Variants in FBXW11 observed in about 807,000 individuals in gnomAD.
FBXW11 encodes F-box and WD repeat domain containing 11, also known as F-box/WD repeat-containing protein 11.
FBXW11 carries 19 observed loss-of-function variants against 77.6 expected under a neutral mutation model. That is an observed-to-expected ratio of 0.24 (90% CI 0.17 to 0.36). The LOEUF is 0.36. Among genes scored for constraint, FBXW11 ranks in the 10% least tolerant of loss-of-function variants. The probability of loss-of-function intolerance (pLI) is 1.00; values close to 1 mark genes in which losing one functional copy is unlikely to be tolerated. For missense variants in FBXW11, 334 were observed against 704.2 expected, an observed-to-expected ratio of 0.47 and a Z score of 5.95; for synonymous variants, 235 against 249.4, an observed-to-expected ratio of 0.94 and a Z score of 0.54.
intron 1 of FBXW11, among the ~76,000 whole-genome samples, chr5:171,978,931 G>T (rs1225323076): frequency 2.0e-5 from 3 of 152,114 alleles, no homozygotes; most frequent in African/African-American, 7.2e-5. Flanking sequence ...ATTAAACTGA[G>T]ATTTTTTGAT....
intron 4 of FBXW11, among the ~76,000 whole-genome samples, chr5:171,905,592 C>G (rs75861151): frequency 0.046 from 4,553 of 99,096 alleles, 260 homozygotes; most frequent in African/African-American, 0.12. Context: ...AAAGCTAACC[C>G]CCCCCCCTTT....
At chr5:171,925,480 G>A (rs554847878) in intron 2 of FBXW11, among the ~76,000 whole-genome samples, 23 of 152,098 alleles carry the variant, frequency 1.5e-4, no homozygotes, top group Admixed American at 1.4e-3. Context: ...TTGGTTTTTC[G>A]TTTTGTTTTA....
chr5:171,892,916 C>T (rs961540938), intron 6 of FBXW11, among the ~76,000 whole-genome samples: 1 of 152,172 alleles, frequency 6.6e-6, no homozygotes, highest in East Asian at 1.9e-4. Context: ...ATTACTGGCT[C>T]TGCTGACATC....
chr5:171,875,392 G>A (rs1193691207), intron 9 of FBXW11, among the ~76,000 whole-genome samples: 2 of 152,218 alleles, frequency 1.3e-5, no homozygotes. Flanking sequence ...TATATGAAGT[G>A]TTTAGAATAG....
At chr5:171,971,174 C>A (rs1298020294) in intron 1 of FBXW11, among the ~76,000 whole-genome samples, 1 of 152,214 alleles carries the variant, frequency 6.6e-6, no homozygotes, top group Non-Finnish European at 1.5e-5. Flanking sequence ...GTACACACCA[C>A]TTGAAAGCAC....
At chr5:172,005,564 G>A (rs1225436391) in intron 1 of FBXW11, among the ~76,000 whole-genome samples, 1 of 152,142 alleles carries the variant, frequency 6.6e-6, no homozygotes, top group African/African-American at 2.4e-5. Flanking sequence ...GAGGGTGGAG[G>A]GTGTCCACGG....
At chr5:171,989,881 C>A (rs1002674221) in intron 1 of FBXW11, among the ~76,000 whole-genome samples, 5 of 152,112 alleles carry the variant, frequency 3.3e-5, no homozygotes, top group Admixed American at 3.3e-4. Flanking sequence ...TGTGGTTACA[C>A]ATGCATAAAG....
At chr5:171,898,979 T>TAAAAAAAAAAAA in intron 6 of FBXW11, 25 bp downstream of exon 6, 1 of 1,432,644 alleles carries the variant, frequency 7.0e-7, no homozygotes, top group East Asian at 2.3e-5. Context: ...AAAGAGCCCA[T>TAAAAAAAAAAAA]AAAACAGATA....
At chr5:171,915,060 C>G (rs796949513) in intron 2 of FBXW11, among the ~76,000 whole-genome samples, 2 of 152,178 alleles carry the variant, frequency 1.3e-5, no homozygotes, top group East Asian at 3.8e-4. Context: ...GTGATCCAGT[C>G]GCTCAATAGA....
chr5:171,941,814 A>G (rs900699467), intron 2 of FBXW11, among the ~76,000 whole-genome samples: 7 of 151,208 alleles, frequency 4.6e-5, no homozygotes, highest in African/African-American at 1.7e-4. Context: ...GGTGCTAAAA[A>G]TCCTTTGTGA....
intron 2 of FBXW11, among the ~76,000 whole-genome samples, chr5:171,930,878 T>C (rs1052287611): frequency 7.9e-5 from 12 of 151,786 alleles, no homozygotes; most frequent in African/African-American, 2.9e-4. Flanking sequence ...ATCACTTTCC[T>C]ATATACCAGC....
intron 2 of FBXW11, among the ~76,000 whole-genome samples, chr5:171,950,292 G>A (rs1581244011): frequency 1.3e-5 from 2 of 151,900 alleles, no homozygotes; most frequent in Non-Finnish European, 2.9e-5. Flanking sequence ...TTCCATGAAA[G>A]CAATTTAGCC....
At position 171,993,879 on chromosome 5, in the gene FBXW11, T is replaced by C. The variant is rs529551368; in HGVS notation, c.45+12579A>G. On this transcript the variant is annotated intron_variant, in intron 1 of 13. Transcript: ENST00000517395. ...ATTTAATTAAAATTAAAAATTCAGTTACTTTGAGCCACACTTCAAACCTCT... is the reference window on the plus strand; with the variant it reads ...ATTTAATTAAAATTAAAAATTCAGTCACTTTGAGCCACACTTCAAACCTCT... 7.8e-4 allele frequency among the ~76,000 whole-genome samples: 119 copies of C among 152,316 alleles called. 2 individuals carry two copies. Among genetic ancestry groups the C allele is most frequent in the Middle Eastern group, 3.4e-3 (1 of 294 alleles).
chr5:171,869,563 A>C lies in FBXW11; in HGVS notation c.1530+166T>G, dbSNP rs896127741. Among the ~76,000 whole-genome samples, 8 of 152,226 alleles carry C rather than the reference A, an allele frequency of 5.3e-5. No homozygotes were observed. The highest frequency in any genetic ancestry group is 1.7e-4 in the African/African-American group (7 of 41,458). On this transcript the variant is annotated intron_variant, in intron 12 of 13. Transcript: ENST00000517395. This position sits in a 1 kb window ranked among gnomAD's most constrained non-coding sequence, Gnocchi z 4.1. Reference sequence around the variant, plus strand: ...TTAGGAAAGTGCTCACAGTAATGTAAACATCAAATATTCTCTGGTTTTGGC... The same window carrying C: ...TTAGGAAAGTGCTCACAGTAATGTACACATCAAATATTCTCTGGTTTTGGC...
At position 171,862,319 on chromosome 5, in the gene FBXW11, G is replaced by C. The variant is rs905747230; in HGVS notation, c.*1808C>G. The C allele has an allele frequency of 6.6e-6, 1 of 152,554 alleles. No homozygotes were observed. The highest frequency in any genetic ancestry group is 1.5e-5 in the Non-Finnish European group (1 of 68,032). 9.5% of individuals were successfully genotyped at this position (152,554 alleles called of 1,614,324 possible). A position where few individuals can be genotyped will look rare whatever the true frequency, so the allele number is the denominator to read the frequency against. ...ATTAATTTAGTAACATGGGAAGGAA[G>C]GATTTTATTTTTAAAAGAAAAACTA... On this transcript the variant is annotated 3_prime_UTR_variant, in exon 14 of 14. Coordinates refer to ENST00000517395, the MANE Select transcript of FBXW11 (RefSeq NM_001378974.1).
chr5:171,969,042 G>T (rs1764380422), intron 1 of FBXW11, among the ~76,000 whole-genome samples: 2 of 152,168 alleles, frequency 1.3e-5, no homozygotes, highest in Non-Finnish European at 2.9e-5. Context: ...GGCCGAGGCA[G>T]ATGGATCACG....
At chr5:171,901,323 G>A (rs750707175) in intron 4 of FBXW11, among the ~76,000 whole-genome samples, 2 of 152,192 alleles carry the variant, frequency 1.3e-5, no homozygotes, top group African/African-American at 2.4e-5. Flanking sequence ...AAGGCCAGAT[G>A]TAGGTAAATT....
intron 1 of FBXW11, among the ~76,000 whole-genome samples, chr5:171,959,311 G>A (rs11953351): frequency 2.7e-4 from 41 of 151,854 alleles, no homozygotes; most frequent in African/African-American, 9.2e-4. Context: ...ACCACAGAAG[G>A]TGCTGAATAA....
intron 1 of FBXW11, among the ~76,000 whole-genome samples, chr5:171,972,770 C>T (rs1351673308): frequency 6.6e-6 from 1 of 152,054 alleles, no homozygotes; most frequent in Non-Finnish European, 1.5e-5. Context: ...GTCTTGAACT[C>T]CTGACCTCAG....
Sources: allele counts gnomAD v4.1 joint callset (sites outside exome capture counted in the v4.1 genomes callset), GRCh38; gene constraint gnomAD v4.1.1; non-coding constraint Gnocchi (gnomAD v3.1); transcripts MANE v1.5; gene names NCBI Gene and HGNC (gene_info 2026-07-23, HGNC 2026-07-21).